The following CSMD1 variants were observed in gnomAD, a reference collection of about 807,000 sequenced individuals.
CSMD1 encodes CUB and Sushi multiple domains 1.
A neutral mutation model predicts 417.5 loss-of-function variants in CSMD1; 213 were observed. The ratio of observed to expected loss-of-function variants is 0.51; its 90% CI spans 0.46 to 0.57. CSMD1 has a LOEUF of 0.57. CSMD1 is among the 20% of genes least tolerant of loss of function. The pLI is 0.00. For synonymous variants in CSMD1, 2,862 were observed against 1,736.8 expected, an observed-to-expected ratio of 1.65 and a Z score of -16.11; for missense variants, 6,923 against 4,529.7, an observed-to-expected ratio of 1.53 and a Z score of -15.17.
At chr8:3,879,340 T>G (rs1448285627) in intron 5 of CSMD1, among the ~76,000 whole-genome samples, 5 of 151,942 alleles carry the variant, frequency 3.3e-5, no homozygotes, top group African/African-American at 1.2e-4. Flanking sequence ...ACAAGATTAT[T>G]ATTCATTAGA....
chr8:4,434,797 G>C (rs938586564), intron 2 of CSMD1, among the ~76,000 whole-genome samples: 1 of 152,002 alleles, frequency 6.6e-6, no homozygotes, highest in African/African-American at 2.4e-5. Flanking sequence ...ACCCTGCACC[G>C]CCCATGAAGC....
chr8:4,603,434 A>G (rs1391794472), intron 2 of CSMD1, among the ~76,000 whole-genome samples: 3 of 152,090 alleles, frequency 2.0e-5, no homozygotes, highest in Non-Finnish European at 4.4e-5. Context: ...AACTCCATTC[A>G]GAATGTACAG....
intron 2 of CSMD1, among the ~76,000 whole-genome samples, chr8:4,435,580 G>C (rs1798104279): frequency 6.6e-6 from 1 of 152,130 alleles, no homozygotes; most frequent in South Asian, 2.1e-4. Context: ...CTCCCTTCCA[G>C]GAATCATGGA....
Position 2,950,230 on chromosome 8 carries a change from C to T in CSMD1, c.10314+1G>A. The T allele has an allele frequency of 6.4e-7, 1 of 1,573,670 alleles. No homozygotes were observed. Among genetic ancestry groups the T allele is most frequent in the Non-Finnish European group, 8.7e-7 (1 of 1,143,284 alleles). ...GTCACAGACCTTACACATGTACTTA[C>T]ATAACCATCTAGTCCCCAGTTGTCA... On this transcript the variant is annotated splice_donor_variant, in intron 67 of 69. Transcript: ENST00000635120. LOFTEE classifies it high-confidence loss of function.
intron 3 of CSMD1, among the ~76,000 whole-genome samples, chr8:4,319,774 A>G (rs1799161549): frequency 6.6e-6 from 1 of 152,090 alleles, no homozygotes; most frequent in South Asian, 2.1e-4. Context: ...TGCCGGGCAA[A>G]ATACCAGAGA....
intron 49 of CSMD1, among the ~76,000 whole-genome samples, chr8:3,081,249 G>C (rs181625174): frequency 6.6e-6 from 1 of 152,146 alleles, no homozygotes; most frequent in Admixed American, 6.5e-5. Flanking sequence ...TATTCTTCTA[G>C]ATATTTTTGT....
chr8:3,717,184 T>A (rs754300650), intron 6 of CSMD1, among the ~76,000 whole-genome samples: 1 of 152,206 alleles, frequency 6.6e-6, no homozygotes, highest in Non-Finnish European at 1.5e-5. Flanking sequence ...ATTACATTTT[T>A]TCATTGATAA....
At chr8:4,599,567 A>C (rs1800475144) in intron 2 of CSMD1, among the ~76,000 whole-genome samples, 1 of 152,076 alleles carries the variant, frequency 6.6e-6, no homozygotes, top group South Asian at 2.1e-4. Context: ...AATCTCATTG[A>C]TAAGTTACGT....
chr8:3,465,504 A>G (rs1816746040), intron 12 of CSMD1, among the ~76,000 whole-genome samples: 1 of 152,110 alleles, frequency 6.6e-6, no homozygotes, highest in South Asian at 2.1e-4. Flanking sequence ...GTGTGCTGGC[A>G]GGGGGTAGTG....
chr8:4,044,292 G>C (rs565820764), intron 3 of CSMD1, among the ~76,000 whole-genome samples: 2 of 150,792 alleles, frequency 1.3e-5, no homozygotes, highest in African/African-American at 2.4e-5. Context: ...AGGAAAAACA[G>C]AGAAATCATC....
intron 3 of CSMD1, among the ~76,000 whole-genome samples, chr8:4,328,323 A>G (rs1387220862): frequency 1.3e-5 from 2 of 150,882 alleles, no homozygotes; most frequent in Non-Finnish European, 2.9e-5. Flanking sequence ...AGTTAAGTCA[A>G]CTGTGCGGTC....
chr8:4,711,175 G>T (rs1426845816), intron 1 of CSMD1, among the ~76,000 whole-genome samples: 2 of 150,362 alleles, frequency 1.3e-5, no homozygotes, highest in African/African-American at 2.4e-5. Context: ...AAAAAACCAT[G>T]ATCCTTTTAT....
chr8:3,808,340 G>C (rs1437482069), intron 5 of CSMD1, among the ~76,000 whole-genome samples: 1 of 151,962 alleles, frequency 6.6e-6, no homozygotes. Flanking sequence ...CAAATTTCTG[G>C]AAATGTTTGG....
chr8:4,524,157 T>G (rs1002694119), intron 2 of CSMD1, among the ~76,000 whole-genome samples: 1 of 151,980 alleles, frequency 6.6e-6, no homozygotes, highest in African/African-American at 2.4e-5. Context: ...GCATCATATT[T>G]GTATGTATAA....
At chr8:3,761,220 G>A (rs1201391788) in intron 5 of CSMD1, among the ~76,000 whole-genome samples, 1 of 151,954 alleles carries the variant, frequency 6.6e-6, no homozygotes, top group African/African-American at 2.4e-5. Flanking sequence ...GCAAGAACAT[G>A]AAAAACAGTT....
At chr8:3,128,549 C>G (rs960490248) in intron 41 of CSMD1, 23 of 261,936 alleles carry the variant, frequency 8.8e-5, no homozygotes, top group African/African-American at 5.0e-4. Flanking sequence ...GCTTCTAAAT[C>G]TCAAGTAGAA....
At chr8:3,893,362 T>TATATATATA (rs1554476819) in intron 5 of CSMD1, among the ~76,000 whole-genome samples, 21 of 125,514 alleles carry the variant, frequency 1.7e-4, no homozygotes, top group East Asian at 4.6e-4. Context: ...TATATATATA[T>TATATATATA]TATTTTTTTT....
intron 5 of CSMD1, among the ~76,000 whole-genome samples, chr8:3,988,258 C>T (rs540814447): frequency 3.3e-5 from 5 of 152,242 alleles, no homozygotes; most frequent in African/African-American, 1.2e-4. Flanking sequence ...TGGATCATCT[C>T]CATCTTGTCC....
chr8:3,269,731 C>T (rs566235083), intron 26 of CSMD1, among the ~76,000 whole-genome samples: 1 of 152,268 alleles, frequency 6.6e-6, no homozygotes, highest in East Asian at 1.9e-4. Context: ...GAGTTTTATG[C>T]ATGATTAAAT....
Sources: allele counts gnomAD v4.1 joint callset (sites outside exome capture counted in the v4.1 genomes callset), GRCh38; gene constraint gnomAD v4.1.1; transcripts MANE v1.5; gene names NCBI Gene and HGNC (gene_info 2026-07-23, HGNC 2026-07-21).